ZNF423: variants seen among roughly 807,000 people sequenced by gnomAD.
The protein encoded by ZNF423 is zinc finger protein 423, also known as Ebf-associated zinc finger protein.
In ZNF423, 12 loss-of-function variants were observed where a neutral mutation model predicts 95.8. The observed-to-expected ratio is 0.13, with a 90% CI of 0.08 to 0.20. ZNF423 has a LOEUF of 0.20. Ranked by LOEUF, ZNF423 falls within the 10% of genes least tolerant of loss-of-function variation. The pLI, the probability that ZNF423 is intolerant of heterozygous loss-of-function variation, is 1.00. For synonymous variants in ZNF423, 749 were observed against 711.9 expected (o/e 1.05, Z -0.83); for missense variants, 1,316 against 1,737.1 (o/e 0.76, Z 4.31).
intron 2 of ZNF423, among the ~76,000 whole-genome samples, chr16:49,766,754 T>A (rs2033936585): frequency 1.3e-5 from 2 of 152,282 alleles, no homozygotes; most frequent in South Asian, 4.1e-4. Context: ...CGAGCCTCGG[T>A]CCCTCAGAGG....
At chr16:49,719,793 CTCT>C (rs1304097523) in intron 3 of ZNF423, among the ~76,000 whole-genome samples, 1 of 152,212 alleles carries the variant, frequency 6.6e-6, no homozygotes, top group Non-Finnish European at 1.5e-5. Flanking sequence ...AATTAAAAAC[CTCT>C]TTTCTTCATC....
intron 1 of ZNF423, among the ~76,000 whole-genome samples, chr16:49,827,194 C>A (rs1288086475): frequency 6.6e-6 from 1 of 152,160 alleles, no homozygotes; most frequent in African/African-American, 2.4e-5. Flanking sequence ...CTGACCTCAT[C>A]ACCCACTTCT....
intron 4 of ZNF423, among the ~76,000 whole-genome samples, chr16:49,631,353 C>A (rs1596747746): frequency 6.6e-6 from 1 of 152,212 alleles, no homozygotes; most frequent in African/African-American, 2.4e-5. Context: ...GCCCCCAAAC[C>A]CTCCAAGCAT....
At chr16:49,676,369 C>A (rs2031049798) in intron 3 of ZNF423, among the ~76,000 whole-genome samples, 1 of 152,178 alleles carries the variant, frequency 6.6e-6, no homozygotes, top group African/African-American at 2.4e-5. Context: ...CTGCAGTCAT[C>A]CAGGCTAGGA....
intron 1 of ZNF423, among the ~76,000 whole-genome samples, chr16:49,802,735 T>A (rs1414961758): frequency 6.6e-6 from 1 of 152,152 alleles, no homozygotes; most frequent in Non-Finnish European, 1.5e-5. Flanking sequence ...GGCCCTTTGC[T>A]TATTGTTTCC....
At chr16:49,834,361 A>AGGTTAG (rs1337689572) in intron 1 of ZNF423, among the ~76,000 whole-genome samples, 1 of 152,206 alleles carries the variant, frequency 6.6e-6, no homozygotes, top group African/African-American at 2.4e-5. Flanking sequence ...TGTTTGATGG[A>AGGTTAG]GGTTAGCTAT....
intron 2 of ZNF423, among the ~76,000 whole-genome samples, chr16:49,750,000 C>A (rs985560101): frequency 1.4e-4 from 21 of 152,212 alleles, no homozygotes; most frequent in Admixed American, 1.0e-3. Context: ...TGGAAAGGGC[C>A]ATGTGGTGGA....
chr16:49,742,335 G>A (rs1257391602), intron 2 of ZNF423, among the ~76,000 whole-genome samples: 3 of 152,152 alleles, frequency 2.0e-5, no homozygotes, highest in South Asian at 4.1e-4. Context: ...AGATGAGAGG[G>A]AGGGAAGAGG....
At chr16:49,696,845 G>A (rs1329702029) in intron 3 of ZNF423, among the ~76,000 whole-genome samples, 1 of 152,186 alleles carries the variant, frequency 6.6e-6, no homozygotes, top group East Asian at 1.9e-4. Flanking sequence ...AGGGACAAAG[G>A]ACCAGCCCCC....
intron 5 of ZNF423, among the ~76,000 whole-genome samples, chr16:49,575,336 G>A (rs1437863443): frequency 1.3e-5 from 2 of 152,114 alleles, no homozygotes; most frequent in African/African-American, 4.8e-5. Flanking sequence ...GAGTCCTGGC[G>A]GGTATTTAGC....
chr16:49,794,545 C>T (rs2034469673), intron 1 of ZNF423, among the ~76,000 whole-genome samples: 1 of 152,188 alleles, frequency 6.6e-6, no homozygotes, highest in Non-Finnish European at 1.5e-5. Context: ...TTCGAGTACC[C>T]TCTGTTCAAG....
chr16:49,704,308 C>A (rs937733862), intron 3 of ZNF423, among the ~76,000 whole-genome samples: 2 of 152,144 alleles, frequency 1.3e-5, no homozygotes, highest in African/African-American at 4.8e-5. Flanking sequence ...GCATGCCACA[C>A]CTATAACAGG....
chr16:49,575,311 T>TA (rs1428948611), intron 5 of ZNF423, among the ~76,000 whole-genome samples: 1 of 152,186 alleles, frequency 6.6e-6, no homozygotes, highest in Non-Finnish European at 1.5e-5. Context: ...CCATTTCATG[T>TA]AATAATTCCA....
chr16:49,708,558 G>A (rs764452052), intron 3 of ZNF423, among the ~76,000 whole-genome samples: 2 of 152,136 alleles, frequency 1.3e-5, no homozygotes, highest in Non-Finnish European at 1.5e-5. Flanking sequence ...CCAAAGTGCT[G>A]AGATTACAGG....
At chr16:49,682,959 G>A (rs2031426516) in intron 3 of ZNF423, among the ~76,000 whole-genome samples, 1 of 152,190 alleles carries the variant, frequency 6.6e-6, no homozygotes, top group Admixed American at 6.5e-5. Flanking sequence ...GGGCACCCGT[G>A]TCATGCAAGG....
At chr16:49,501,043 G>A (rs910922236) in intron 7 of ZNF423, among the ~76,000 whole-genome samples, 1 of 152,180 alleles carries the variant, frequency 6.6e-6, no homozygotes, top group African/African-American at 2.4e-5. Context: ...CTGTCAGCAG[G>A]GGTACCAATG....
intron 7 of ZNF423, among the ~76,000 whole-genome samples, chr16:49,497,348 C>T (rs942590729): frequency 1.3e-5 from 2 of 152,300 alleles, no homozygotes; most frequent in African/African-American, 2.4e-5. Flanking sequence ...AGCGCCCTCC[C>T]GTGAGGAGCT....
At chr16:49,555,523 C>T (rs1336050116) in intron 5 of ZNF423, among the ~76,000 whole-genome samples, 1 of 152,214 alleles carries the variant, frequency 6.6e-6, no homozygotes, top group Non-Finnish European at 1.5e-5. Context: ...TTTCCTAGGA[C>T]ATAATGCTAG....
intron 2 of ZNF423, among the ~76,000 whole-genome samples, chr16:49,757,897 G>C (rs1021185313): frequency 1.3e-5 from 2 of 151,952 alleles, no homozygotes; most frequent in African/African-American, 4.8e-5. Context: ...CCCCTGACCC[G>C]CCCTCGGCTC....
Sources: allele counts gnomAD v4.1 joint callset (sites outside exome capture counted in the v4.1 genomes callset), GRCh38; gene constraint gnomAD v4.1.1; transcripts MANE v1.5; gene names NCBI Gene and HGNC (gene_info 2026-07-23, HGNC 2026-07-21).